The following HPGD variants were observed in gnomAD, a reference collection of about 807,000 sequenced individuals.
The protein encoded by HPGD is 15-hydroxyprostaglandin dehydrogenase.
In HPGD, 29 loss-of-function variants were observed where a neutral mutation model predicts 30.0. That is an observed-to-expected ratio of 0.97 (90% CI 0.72 to 1.32). The LOEUF is 1.32. Ranked by LOEUF, HPGD falls within the 40% of genes most tolerant of loss-of-function variation. HPGD has a pLI of 0.00. For missense variants in HPGD, 340 were observed against 322.1 expected (o/e 1.06, Z -0.43); for synonymous variants, 99 against 112.4 (o/e 0.88, Z 0.75).
At chr4:174,505,911 A>G (rs1203172656) in intron 4 of HPGD, among the ~76,000 whole-genome samples, 1 of 152,212 alleles carries the variant, frequency 6.6e-6, no homozygotes, top group Middle Eastern at 3.2e-3. Context: ...CAGAGGGAGA[A>G]GCAGTTTGTA....
At chr4:174,520,508 C>T (rs1017901905) in intron 2 of HPGD, among the ~76,000 whole-genome samples, 4 of 152,310 alleles carry the variant, frequency 2.6e-5, no homozygotes, top group Admixed American at 2.6e-4. Flanking sequence ...ATGCTCATGT[C>T]CAGACAACAT....
chr4:174,521,936 T>G lies in HPGD; in HGVS notation c.217+8A>C. The G allele has an allele frequency of 6.2e-7, 1 of 1,614,024 alleles. No homozygotes were observed. ...TTCCCAGTTGACAGATTGATTCCCC[T>G]GTCTTACCTCTCAGTTGTTGCTGGT... On this transcript the variant is annotated splice_region_variant and intron_variant, in intron 2 of 6. Coordinates refer to ENST00000296522, the MANE Select transcript of HPGD (RefSeq NM_000860.6).
At chr4:174,512,301 A>G (rs1469221884) in intron 3 of HPGD, among the ~76,000 whole-genome samples, 1 of 152,234 alleles carries the variant, frequency 6.6e-6, no homozygotes, top group Non-Finnish European at 1.5e-5. Context: ...CTGCCTTGAA[A>G]GAACTTGTGG....
At chr4:174,498,204 T>C (rs920625228) in intron 4 of HPGD, among the ~76,000 whole-genome samples, 8 of 152,144 alleles carry the variant, frequency 5.3e-5, no homozygotes, top group African/African-American at 1.9e-4. Flanking sequence ...TGCCTTGGCC[T>C]CCCAAAGTGC....
rs1180049756 is a variant in HPGD at position 174,491,216 on chromosome 4, AACT to A, written c.*737_*739del. Reference sequence around the variant, plus strand: ...TTAAATATAATATTTTTGGAGTACTAACTATTCTTTATTGCTGTAACTGTTAAA... The same window carrying A: ...TTAAATATAATATTTTTGGAGTACTAATTCTTTATTGCTGTAACTGTTAAA... On this transcript the variant is annotated 3_prime_UTR_variant, in exon 7 of 7. Coordinates refer to ENST00000296522, the MANE Select transcript of HPGD (RefSeq NM_000860.6). 2 of 152,640 alleles carry A rather than the reference AACT, an allele frequency of 1.3e-5. No homozygotes were observed. Among genetic ancestry groups the A allele is most frequent in the Non-Finnish European group, 2.9e-5 (2 of 67,950 alleles). 9.5% of individuals were successfully genotyped at this position (152,640 alleles called of 1,614,324 possible). A position where few individuals can be genotyped will look rare whatever the true frequency, so the allele number is the denominator to read the frequency against.
chr4:174,516,302 C>T (rs79926149), intron 3 of HPGD, among the ~76,000 whole-genome samples: 25,685 of 110,638 alleles, frequency 0.23, 2,751 homozygotes, highest in Non-Finnish European at 0.3. Context: ...TGAAACACCA[C>T]ACACCCATAA....
chr4:174,499,072 A>G (rs1018301510), intron 4 of HPGD, among the ~76,000 whole-genome samples: 1 of 152,188 alleles, frequency 6.6e-6, no homozygotes, highest in Admixed American at 6.5e-5. Context: ...CTGTAGGCCC[A>G]CAACACCAAC....
At chr4:174,509,649 G>A (rs1735376745) in intron 3 of HPGD, among the ~76,000 whole-genome samples, 1 of 152,150 alleles carries the variant, frequency 6.6e-6, no homozygotes, top group Non-Finnish European at 1.5e-5. Flanking sequence ...AATGGTCGGT[G>A]GGAGGGATGA....
At position 174,500,910 on chromosome 4, in the gene HPGD, G is replaced by A. The variant is rs576554063; in HGVS notation, c.422-5286C>T. ...TAATTATTTTATTGACCTATTTATC[G>A]GTTCATCCACATTGTACTTTTTAAT... On this transcript the variant is annotated intron_variant, in intron 4 of 6. Coordinates refer to ENST00000296522, the MANE Select transcript of HPGD (RefSeq NM_000860.6). 7.9e-5 allele frequency among the ~76,000 whole-genome samples: 12 copies of A among 152,136 alleles called. No individual in the cohort carries two copies. In the South Asian group the frequency reaches 1.2e-3, roughly 16 times the overall value.
Position 174,508,793 on chromosome 4 carries a change from C to T in HPGD, c.325-1G>A. On this transcript the variant is annotated splice_acceptor_variant, in intron 3 of 6. Coordinates refer to ENST00000296522, the MANE Select transcript of HPGD (RefSeq NM_000860.6). LOFTEE classifies it high-confidence loss of function. The stretch of plus-strand genomic sequence containing the variant: ...GATAGGTTCCACTGATAACAGAAAC[C>T]TAATCCAGAGGCATAAGTGAGAAAA... 6.5e-7 allele frequency: 1 copy of T among 1,537,336 alleles called. No individual in the cohort carries two copies. Among genetic ancestry groups the T allele is most frequent in the Non-Finnish European group, 9.0e-7 (1 of 1,110,834 alleles).
At chr4:174,522,300 C>G (rs1168248785) in intron 1 of HPGD, 59 bp downstream of exon 1, 2 of 1,480,782 alleles carry the variant, frequency 1.4e-6, no homozygotes. Flanking sequence ...CCTCGGGCGG[C>G]GGGGCGAGTC....
At chr4:174,514,765 C>T (rs1330560813) in intron 3 of HPGD, among the ~76,000 whole-genome samples, 1 of 152,096 alleles carries the variant, frequency 6.6e-6, no homozygotes, top group African/African-American at 2.4e-5. Flanking sequence ...ACATAGAAAA[C>T]ACCATAGTCT....
intron 4 of HPGD, among the ~76,000 whole-genome samples, chr4:174,498,321 A>AT (rs70947445): frequency 0.19 from 28,441 of 149,558 alleles, 3,165 homozygotes; most frequent in East Asian, 0.52. Context: ...TCCTTTTTTC[A>AT]TTTTTTTTTT....
chr4:174,497,380 A>AAGAC (rs1437282227), intron 4 of HPGD, among the ~76,000 whole-genome samples: 1 of 152,106 alleles, frequency 6.6e-6, no homozygotes, highest in Admixed American at 6.6e-5. Context: ...GTAATAAGCA[A>AAGAC]AGACAACATA....
rs905308953 is a variant in HPGD at position 174,490,690 on chromosome 4, G to C, written c.*1266C>G. On this transcript the variant is annotated 3_prime_UTR_variant, in exon 7 of 7. Transcript: ENST00000296522. The surrounding 1 kb of genome is among the most constrained non-coding windows in gnomAD (Gnocchi z 4.4). ...TGTTTTCTATAGCAGAATTAAAATA[G>C]GGCAAGATATGACAACATTCCAGTA... 6.6e-6 allele frequency: 1 copy of C among 152,256 alleles called. No individual in the cohort carries two copies. Among genetic ancestry groups the C allele is most frequent in the Non-Finnish European group, 1.5e-5 (1 of 68,004 alleles). The allele number at this position is 152,256 out of a possible 1,614,324, so 9.4% of individuals were successfully genotyped here. A position where few individuals can be genotyped will look rare whatever the true frequency, so the allele number is the denominator to read the frequency against.
chr4:174,517,867 T>C (rs1019217627), intron 3 of HPGD, 104 bp downstream of exon 3: 3 of 661,488 alleles, frequency 4.5e-6, no homozygotes, highest in Non-Finnish European at 8.1e-6. Context: ...TTTTCAATAT[T>C]GTAGGTCATT....
At chr4:174,515,858 C>T (rs558941068) in intron 3 of HPGD, among the ~76,000 whole-genome samples, 1 of 152,074 alleles carries the variant, frequency 6.6e-6, no homozygotes, top group South Asian at 2.1e-4. Flanking sequence ...AGGACAGACA[C>T]ATGGCCAACA....
Position 174,493,285 on chromosome 4 carries a change from C to T in HPGD, c.528G>A (p.Val176=), listed in dbSNP as rs1734431630. ...AGCCTGGACAAATGGCATTCAGTCT[C>T]ACACCACTGTTCATAAGATTAGCAG... ...ALAANLMNSG[V]RLNAICPGFV... The change falls in exon 6 of 7, where the codon GTG becomes GTA. Residue 176 remains valine (V), a synonymous_variant. Coordinates refer to ENST00000296522, the MANE Select transcript of HPGD (RefSeq NM_000860.6). 4 of 1,613,080 alleles carry T rather than the reference C, an allele frequency of 2.5e-6. No individual in the cohort carries two copies. Among genetic ancestry groups the T allele is most frequent in the Admixed American group, 1.7e-5 (1 of 59,958 alleles).
At chr4:174,502,521 A>G (rs1336176090) in intron 4 of HPGD, among the ~76,000 whole-genome samples, 2 of 152,022 alleles carry the variant, frequency 1.3e-5, no homozygotes, top group Admixed American at 1.3e-4. Context: ...TACTAAAAAT[A>G]CAAAAAATTA....
Sources: allele counts gnomAD v4.1 joint callset (sites outside exome capture counted in the v4.1 genomes callset), GRCh38; gene constraint gnomAD v4.1.1; non-coding constraint Gnocchi (gnomAD v3.1); transcripts MANE v1.5; gene names NCBI Gene and HGNC (gene_info 2026-07-23, HGNC 2026-07-21).